PPIP5K2: variants seen among roughly 807,000 people sequenced by gnomAD.
PPIP5K2 encodes the protein diphosphoinositol pentakisphosphate kinase 2, also known as inositol hexakisphosphate and diphosphoinositol-pentakisphosphate kinase 2.
PPIP5K2 carries 105 observed loss-of-function variants against 154.6 expected under a neutral mutation model. The observed-to-expected ratio is 0.68, with a 90% CI of 0.58 to 0.80. The LOEUF (loss-of-function observed/expected upper bound fraction) is 0.80. PPIP5K2 is among the 30% of genes least tolerant of loss of function. The pLI is 0.00. For missense variants in PPIP5K2, 992 were observed against 1,504.6 expected (o/e 0.66, Z 5.64); for synonymous variants, 480 against 490.3 (o/e 0.98, Z 0.28).
At chr5:103,148,115 T>A (rs1384407251) in intron 7 of PPIP5K2, 83 bp downstream of exon 7, 7 of 957,602 alleles carry the variant, frequency 7.3e-6, no homozygotes, top group Non-Finnish European at 1.2e-5. Context: ...TTTAGCTATA[T>A]CTAACCTTTA....
At position 103,211,327 on chromosome 5, in the gene PPIP5K2, C is replaced by A. The variant is rs1297189107; in HGVS notation, c.*9693C>A. The A allele has an allele frequency of 2.4e-4, 37 of 151,756 alleles. No homozygotes were observed. 9.4% of individuals were successfully genotyped at this position (151,756 alleles called of 1,614,324 possible). On this transcript the variant is annotated 3_prime_UTR_variant, in exon 31 of 31. Transcript: ENST00000358359. ...TAACTCATTTTGACCACTCCTCCCT[C>A]AAAAAAAATTGTCCCTAGAAAACTA...
Position 103,184,517 on chromosome 5 carries a change from G to A in PPIP5K2, c.3097-155G>A, listed in dbSNP as rs575595075. On this transcript the variant is annotated intron_variant, in intron 25 of 30. Coordinates refer to ENST00000358359, the MANE Select transcript of PPIP5K2 (RefSeq NM_001276277.3). ...CATGAAATGGACTCCCTTCAAAAGGGGATCTTGCATGATCTTTCATGTTTT... is the reference window on the plus strand; with the variant it reads ...CATGAAATGGACTCCCTTCAAAAGGAGATCTTGCATGATCTTTCATGTTTT... The A allele has an allele frequency of 7.3e-6, 4 of 551,166 alleles. No homozygotes were observed. In the East Asian group the frequency reaches 9.2e-5, roughly 13 times the overall value. The allele number at this position is 551,166 out of a possible 1,614,324, so 34.1% of individuals were successfully genotyped here. A position where few individuals can be genotyped will look rare whatever the true frequency, so the allele number is the denominator to read the frequency against.
intron 1 of PPIP5K2, among the ~76,000 whole-genome samples, chr5:103,122,912 G>A (rs1485516343): frequency 2.6e-5 from 4 of 152,168 alleles, no homozygotes; most frequent in Non-Finnish European, 4.4e-5. Context: ...AGCTCTGGCC[G>A]TGACCAGTAA....
intron 5 of PPIP5K2, among the ~76,000 whole-genome samples, chr5:103,141,495 T>C (rs1792648965): frequency 6.6e-6 from 1 of 152,146 alleles, no homozygotes; most frequent in Non-Finnish European, 1.5e-5. Context: ...CTGCTTTTAT[T>C]CTCTTATCTG....
At chr5:103,127,954 TC>T (rs1439931194) in intron 1 of PPIP5K2, among the ~76,000 whole-genome samples, 33 of 152,128 alleles carry the variant, frequency 2.2e-4, no homozygotes, top group African/African-American at 7.9e-4. Context: ...GTTTTTTTTT[TC>T]AGTAAACATT....
rs1186829455 is a variant in PPIP5K2 at position 103,154,883 on chromosome 5, AT to A, written c.1344del (p.Asn448LysfsTer19). On this transcript the variant is annotated frameshift_variant, in exon 13 of 31. Transcript: ENST00000358359. LOFTEE classifies it high-confidence loss of function. ...RQLLMELGQNNDSEIEENKPK... is the reference protein window; with the variant it reads ...RQLLMELGQNXDSEIEENKPK... Reference sequence around the variant, plus strand: ...CTTCTTATGGAGCTAGGGCAAAATAATGATTCTGAAATTGAAGAAAACAAGC... The same window carrying A: ...CTTCTTATGGAGCTAGGGCAAAATAAGATTCTGAAATTGAAGAAAACAAGC... 5 of 1,606,110 alleles carry A rather than the reference AT, an allele frequency of 3.1e-6. No individual in the cohort carries two copies. In the African/African-American group the frequency reaches 6.7e-5, roughly 22 times the overall value.
rs70990423 is a variant in PPIP5K2, at chr5:103,155,406, C to CTTT, written c.1404-467_1404-465dup. ...CTGTACTTTATCTCTTCAGAGTTGT[C>CTTT]TTTTTTTTTTTTTTTTTTTTTTTTT... On this transcript the variant is annotated intron_variant, in intron 13 of 30. Transcript: ENST00000358359. Among the ~76,000 whole-genome samples the CTTT allele has an allele frequency of 2.6e-3, 55 of 21,088 alleles. 24 individuals are homozygous for CTTT. The highest frequency in any genetic ancestry group is 4.6e-3 in the Non-Finnish European group (36 of 7,854). The allele number at this position is 21,088 out of a possible 152,430, so 13.8% of individuals were successfully genotyped here.
intron 17 of PPIP5K2, among the ~76,000 whole-genome samples, chr5:103,166,708 T>TA (rs1188095192): frequency 6.6e-6 from 1 of 151,954 alleles, no homozygotes; most frequent in Non-Finnish European, 1.5e-5. Context: ...GCTCTAGTCT[T>TA]ACAACAGAGG....
chr5:103,154,785 A>T (rs781994645), intron 12 of PPIP5K2, 40 bp downstream of exon 12: 6 of 1,551,770 alleles, frequency 3.9e-6, no homozygotes, highest in Non-Finnish European at 5.2e-6. Flanking sequence ...TAAATTTTTT[A>T]GTGGTGAAAT....
chr5:103,156,508 A>G (rs1301711457), intron 14 of PPIP5K2, among the ~76,000 whole-genome samples: 1 of 152,194 alleles, frequency 6.6e-6, no homozygotes, highest in Non-Finnish European at 1.5e-5. Context: ...TACAAAAGAA[A>G]AGGGTAGGGA....
intron 19 of PPIP5K2, among the ~76,000 whole-genome samples, chr5:103,171,937 A>G (rs902045256): frequency 3.3e-5 from 5 of 151,562 alleles, no homozygotes; most frequent in Non-Finnish European, 7.4e-5. Context: ...TGTGAATGTA[A>G]GAATAATTTA....
rs1554226700 is a variant in PPIP5K2, at chr5:103,190,917, TG to T, written c.3430del (p.Asp1144MetfsTer31). On this transcript the variant is annotated frameshift_variant, in exon 29 of 31. Coordinates refer to ENST00000358359, the MANE Select transcript of PPIP5K2 (RefSeq NM_001276277.3). LOFTEE classifies it high-confidence loss of function. ...TLHNALSLKQ[V>X]DEFLASIASP... is the part of the protein sequence containing the mutation. ...CATAATGCCCTATCTTTAAAGCAAG[TG>T]GATGAATTTCTTGCTTCCATTGCTT... The T allele has an allele frequency of 2.5e-6, 4 of 1,609,734 alleles. No individual in the cohort carries two copies. Among genetic ancestry groups the T allele is most frequent in the African/African-American group, 1.3e-5 (1 of 74,620 alleles).
chr5:103,136,597 T>C, intron 3 of PPIP5K2, 135 bp from the exon 4 acceptor site: 1 of 679,812 alleles, frequency 1.5e-6, no homozygotes, highest in Non-Finnish European at 2.6e-6. Context: ...ATGTATATAT[T>C]CCATACCTTT....
At chr5:103,125,665 ACT>A (rs781789191) in intron 1 of PPIP5K2, among the ~76,000 whole-genome samples, 66 of 151,906 alleles carry the variant, frequency 4.3e-4, no homozygotes, top group Non-Finnish European at 7.4e-4. Flanking sequence ...ACAGAGTCTC[ACT>A]CTGTTGCCCA....
chr5:103,147,287 C>G (rs1302721142), intron 6 of PPIP5K2, among the ~76,000 whole-genome samples: 1 of 151,778 alleles, frequency 6.6e-6, no homozygotes, highest in African/African-American at 2.4e-5. Context: ...CAGTGAGATA[C>G]CATTTTAACA....
At chr5:103,165,450 CT>C (rs143881102) in intron 17 of PPIP5K2, among the ~76,000 whole-genome samples, 6,425 of 151,906 alleles carry the variant, frequency 0.042, 440 homozygotes, top group African/African-American at 0.15. Flanking sequence ...CAAATTTCAA[CT>C]TTTTTTTACA....
At chr5:103,141,397 T>C (rs1299217533) in intron 5 of PPIP5K2, among the ~76,000 whole-genome samples, 1 of 151,998 alleles carries the variant, frequency 6.6e-6, no homozygotes, top group African/African-American at 2.4e-5. Flanking sequence ...CGTCTGGAGT[T>C]GTTCGTTCCT....
intron 28 of PPIP5K2, among the ~76,000 whole-genome samples, chr5:103,189,590 T>C: frequency 6.6e-6 from 1 of 152,110 alleles, no homozygotes; most frequent in Non-Finnish European, 1.5e-5. Context: ...GTTGCTGTTA[T>C]AGTATAGTTT....
chr5:103,170,938 T>G (rs1797890320), intron 19 of PPIP5K2, among the ~76,000 whole-genome samples: 1 of 151,572 alleles, frequency 6.6e-6, no homozygotes, highest in Non-Finnish European at 1.5e-5. Context: ...TTTAGAATAA[T>G]TTAATGTAGA....
Sources: allele counts gnomAD v4.1 joint callset (sites outside exome capture counted in the v4.1 genomes callset), GRCh38; gene constraint gnomAD v4.1.1; transcripts MANE v1.5; gene names NCBI Gene and HGNC (gene_info 2026-07-23, HGNC 2026-07-21).